Variants in TENM2 observed in about 807,000 individuals in gnomAD.
TENM2 encodes the protein teneurin-2.
A neutral mutation model predicts 245.2 loss-of-function variants in TENM2; 52 were observed. The observed-to-expected ratio is 0.21, with a 90% CI of 0.17 to 0.27. The LOEUF (loss-of-function observed/expected upper bound fraction) is 0.27. Ranked by LOEUF, TENM2 falls within the 10% of genes least tolerant of loss-of-function variation. The probability of loss-of-function intolerance (pLI) is 1.00; values close to 1 mark genes in which losing one functional copy is unlikely to be tolerated. For synonymous variants in TENM2, 1,363 were observed against 1,438.9 expected (o/e 0.95, Z 1.19); for missense variants, 3,046 against 3,666.8 (o/e 0.83, Z 4.37).
the TENM2 span, among the ~76,000 whole-genome samples, chr5:167,181,375 A>T: frequency 1.4e-5 from 2 of 145,268 alleles, no homozygotes; most frequent in East Asian, 2.0e-4. Context: ...CTTTCTCTTC[A>T]TTCTTTCTTT....
At chr5:168,248,093 T>G (rs769910572) in exon 27 of TENM2, 1 of 1,613,946 alleles carries the variant, frequency 6.2e-7, no homozygotes, top group East Asian at 2.2e-5. Flanking sequence ...AACGGCCTCA[T>G]GATCAAACAG....
chr5:167,907,656 A>G (rs1776218555), intron 3 of TENM2, among the ~76,000 whole-genome samples: 1 of 148,544 alleles, frequency 6.7e-6, no homozygotes, highest in Non-Finnish European at 1.5e-5. Flanking sequence ...TAGTCCCAAC[A>G]CTTTGGGAAC....
rs773283342 is a variant in TENM2, at chr5:168,248,095, A to T, written c.7156A>T (p.Ile2386Phe). ...TGTGTTCAGCATCAACGGCCTCATGATCAAACAGCTGCAGTACACGGCCTA... is the reference window on the plus strand; with the variant it reads ...TGTGTTCAGCATCAACGGCCTCATGTTCAAACAGCTGCAGTACACGGCCTA... The change falls in exon 27 of 29, where the codon ATC (isoleucine) becomes TTC (phenylalanine). Residue 2386 changes from isoleucine to phenylalanine, a missense_variant. Transcript: ENST00000518659. The T allele has an allele frequency of 5.6e-6, 9 of 1,613,818 alleles. No homozygotes were observed. In the Admixed American group the frequency reaches 1.5e-4, roughly 27 times the overall value.
chr5:167,850,634 G>C (rs2151205799), intron 2 of TENM2, among the ~76,000 whole-genome samples: 1 of 152,258 alleles, frequency 6.6e-6, no homozygotes, highest in Non-Finnish European at 1.5e-5. Context: ...AGTAAGCAAA[G>C]CAATAAATAT....
chr5:168,131,480 G>GA (rs1238037460), intron 12 of TENM2, among the ~76,000 whole-genome samples: 8 of 152,248 alleles, frequency 5.3e-5, no homozygotes, highest in South Asian at 2.1e-4. Flanking sequence ...ATTGGTTGGG[G>GA]AAAGAAATCG....
At chr5:167,777,398 T>C (rs1293300395) in intron 2 of TENM2, among the ~76,000 whole-genome samples, 4 of 152,258 alleles carry the variant, frequency 2.6e-5, no homozygotes, top group Non-Finnish European at 5.9e-5. Flanking sequence ...ATTTAATTAA[T>C]TTATTTTTTA....
At chr5:167,023,413 T>C in the TENM2 span, among the ~76,000 whole-genome samples, 1 of 152,230 alleles carries the variant, frequency 6.6e-6, no homozygotes, top group South Asian at 2.1e-4. Context: ...GTAATCCTTC[T>C]ATTGGTTTGT....
At chr5:167,490,771 T>C (rs1255982950) in intron 2 of TENM2, among the ~76,000 whole-genome samples, 2 of 152,166 alleles carry the variant, frequency 1.3e-5, no homozygotes, top group African/African-American at 4.8e-5. Context: ...TATTTATTGA[T>C]TTATTAGTTA....
intron 2 of TENM2, among the ~76,000 whole-genome samples, chr5:167,777,796 G>A (rs1336300989): frequency 6.6e-6 from 1 of 152,142 alleles, no homozygotes; most frequent in East Asian, 1.9e-4. Flanking sequence ...TAAACAGTGA[G>A]CCAAAGCTTA....
intron 12 of TENM2, among the ~76,000 whole-genome samples, chr5:168,136,841 AG>A (rs1755098562): frequency 6.6e-6 from 1 of 152,342 alleles, no homozygotes; most frequent in Non-Finnish European, 1.5e-5. Context: ...CGGCTCTTAA[AG>A]AAAATCCTTT....
chr5:168,163,531 C>T (rs1757936559), intron 13 of TENM2, among the ~76,000 whole-genome samples: 1 of 152,188 alleles, frequency 6.6e-6, no homozygotes, highest in Non-Finnish European at 1.5e-5. Flanking sequence ...AATCCCAGCA[C>T]TTTGGGAGGC....
At chr5:167,383,741 A>AC (rs1761245620) in intron 2 of TENM2, among the ~76,000 whole-genome samples, 1 of 152,086 alleles carries the variant, frequency 6.6e-6, no homozygotes, top group Non-Finnish European at 1.5e-5. Context: ...AAAAAAAAAA[A>AC]AAAAAAAAAC....
At chr5:168,263,837 A>C (rs950695072), downstream of TENM2, 4 of 152,642 alleles carry the variant, frequency 2.6e-5, no homozygotes, top group African/African-American at 2.4e-5. Context: ...AGGCACAATC[A>C]CTGTTTCAGA....
At chr5:167,539,477 C>A (rs375757016) in intron 2 of TENM2, among the ~76,000 whole-genome samples, 1 of 152,036 alleles carries the variant, frequency 6.6e-6, no homozygotes, top group East Asian at 1.9e-4. Flanking sequence ...TTTCATTGCA[C>A]AGAAGCATAG....
intron 27 of TENM2, among the ~76,000 whole-genome samples, chr5:168,259,456 C>G (rs528735124): frequency 6.6e-6 from 1 of 152,122 alleles, no homozygotes; most frequent in South Asian, 2.1e-4. Flanking sequence ...GGTGTGGTGG[C>G]GCATGCCTGT....
At chr5:168,034,094 T>C (rs1235168834) in intron 5 of TENM2, among the ~76,000 whole-genome samples, 3 of 101,824 alleles carry the variant, frequency 2.9e-5, no homozygotes, top group Non-Finnish European at 6.3e-5. Flanking sequence ...TATATATGTG[T>C]ATATATATAT....
At chr5:167,668,074 C>A (rs12522388) in intron 2 of TENM2, among the ~76,000 whole-genome samples, 6,596 of 152,232 alleles carry the variant, frequency 0.043, 764 homozygotes, top group East Asian at 0.4. Flanking sequence ...AAGTCCCCAA[C>A]AAAGAAAATA....
chr5:167,318,082 T>C (rs1050571231), intron 1 of TENM2, among the ~76,000 whole-genome samples: 2 of 152,042 alleles, frequency 1.3e-5, no homozygotes, highest in Non-Finnish European at 2.9e-5. Flanking sequence ...CACAGTTCAG[T>C]AGGTTGCAGC....
At chr5:167,778,217 G>C (rs1452503023) in intron 2 of TENM2, among the ~76,000 whole-genome samples, 5 of 152,200 alleles carry the variant, frequency 3.3e-5, no homozygotes, top group Non-Finnish European at 7.3e-5. Context: ...AGAAAACCCT[G>C]AGATATGAAT....
Sources: allele counts gnomAD v4.1 joint callset (sites outside exome capture counted in the v4.1 genomes callset), GRCh38; gene constraint gnomAD v4.1.1; transcripts MANE v1.5; gene names NCBI Gene and HGNC (gene_info 2026-07-23, HGNC 2026-07-21).